The following JAKMIP3 variants were observed in gnomAD, a reference collection of about 807,000 sequenced individuals.
JAKMIP3 encodes Janus kinase and microtubule interacting protein 3.
Under a neutral mutation model 118.5 loss-of-function variants are expected in JAKMIP3, and 58 were observed. The observed-to-expected ratio is 0.49, with a 90% CI of 0.40 to 0.61. The LOEUF is 0.61. JAKMIP3 is among the 20% of genes least tolerant of loss of function. The pLI, the probability that JAKMIP3 is intolerant of heterozygous loss-of-function variation, is 0.00. For missense variants in JAKMIP3, 950 were observed against 1,109.0 expected (o/e 0.86, Z 2.04); for synonymous variants, 486 against 451.2 (o/e 1.08, Z -0.98).
chr10:132,092,332 A>G (rs1400484626), intron 1 of JAKMIP3, among the ~76,000 whole-genome samples: 2 of 152,200 alleles, frequency 1.3e-5, no homozygotes, highest in African/African-American at 4.8e-5. Context: ...AGGTTGGGGA[A>G]GTTCTCCTGG....
intron 1 of JAKMIP3, among the ~76,000 whole-genome samples, chr10:132,097,964 T>TTC (rs1256521580): frequency 1.4e-4 from 4 of 28,950 alleles, no homozygotes; most frequent in South Asian, 2.2e-3. Flanking sequence ...CCTTTCCCTT[T>TTC]CCTTCCTTTT....
chr10:132,097,767 T>A (rs911927979), intron 1 of JAKMIP3, among the ~76,000 whole-genome samples: 2 of 143,666 alleles, frequency 1.4e-5, no homozygotes, highest in Non-Finnish European at 3.1e-5. Context: ...TTTTTTTTTT[T>A]AAGAAAAAGT....
intron 1 of JAKMIP3, among the ~76,000 whole-genome samples, chr10:132,069,879 G>C (rs528546400): frequency 2.0e-5 from 3 of 152,350 alleles, no homozygotes; most frequent in Non-Finnish European, 2.9e-5. Flanking sequence ...CCAGCACCCT[G>C]TGTGTGGGCA....
At chr10:132,163,140 C>T (rs778069769) in intron 19 of JAKMIP3, 69 bp from the exon 20 acceptor site, 54 of 1,444,248 alleles carry the variant, frequency 3.7e-5, no homozygotes, top group African/African-American at 7.0e-5. Flanking sequence ...GCCCGGCCTC[C>T]GTTGCCCTTC....
At chr10:132,091,079 T>C (rs1027364281) in intron 1 of JAKMIP3, among the ~76,000 whole-genome samples, 1 of 152,228 alleles carries the variant, frequency 6.6e-6, no homozygotes, top group Non-Finnish European at 1.5e-5. Flanking sequence ...TTCCATGTAG[T>C]TGAGTGGTTT....
chr10:132,183,695 C>T lies in JAKMIP3; in HGVS notation c.*2442C>T, dbSNP rs1185069647. On this transcript the variant is annotated 3_prime_UTR_variant, in exon 24 of 24. Coordinates refer to ENST00000684848, the MANE Select transcript of JAKMIP3 (RefSeq NM_001323087.2). Reference sequence around the variant, plus strand: ...CCTGAAAGCACACATCTAGTTGGAGCGTCAGTTCCTCTCCTTAGATATCAT... The same window carrying T: ...CCTGAAAGCACACATCTAGTTGGAGTGTCAGTTCCTCTCCTTAGATATCAT... 2.0e-5 allele frequency: 3 copies of T among 152,128 alleles called. No homozygotes were observed. The highest frequency in any genetic ancestry group is 2.9e-5 in the Non-Finnish European group (2 of 68,034). 9.4% of individuals were successfully genotyped at this position (152,128 alleles called of 1,614,324 possible).
chr10:132,048,727 C>G (rs577619822), intron 1 of JAKMIP3, among the ~76,000 whole-genome samples: 1 of 148,746 alleles, frequency 6.7e-6, no homozygotes, highest in Admixed American at 6.7e-5. Context: ...TGCTCCGCCT[C>G]CCGGGTTCAC....
intron 1 of JAKMIP3, among the ~76,000 whole-genome samples, chr10:132,098,566 C>T (rs1446446640): frequency 1.3e-5 from 2 of 152,208 alleles, no homozygotes; most frequent in African/African-American, 4.8e-5. Context: ...TCTTTAGCGT[C>T]CATCGCAGTG....
intron 9 of JAKMIP3, among the ~76,000 whole-genome samples, chr10:132,139,428 G>T (rs1323537884): frequency 5.1e-5 from 5 of 98,590 alleles, no homozygotes; most frequent in African/African-American, 1.8e-4. Context: ...GTGTGTGTGT[G>T]TTTGTGTGTA....
chr10:132,065,017 A>C (rs1257102997), upstream of JAKMIP3, among the ~76,000 whole-genome samples: 3 of 151,772 alleles, frequency 2.0e-5, no homozygotes, highest in East Asian at 5.8e-4. The surrounding 1 kb of genome is among the most constrained non-coding windows in gnomAD (Gnocchi z 5.6). Flanking sequence ...TCCCAGGCTG[A>C]CCCCCAGAAC....
chr10:132,110,057 T>A (rs2046610591), intron 2 of JAKMIP3, among the ~76,000 whole-genome samples: 2 of 152,214 alleles, frequency 1.3e-5, no homozygotes, highest in African/African-American at 4.8e-5. Context: ...TTCCAGCAGA[T>A]CCAGGTGTCT....
chr10:132,060,478 A>G (rs1407613027), upstream of JAKMIP3, among the ~76,000 whole-genome samples: 1 of 152,188 alleles, frequency 6.6e-6, no homozygotes, highest in Non-Finnish European at 1.5e-5. Context: ...TTCGGAATAC[A>G]GATGAAGGCT....
rs1440064007 is a variant in JAKMIP3, at chr10:132,067,769, CTGGGCTTCCGTGTGGACTG to C, written c.-138+1747_-138+1765del. ...TGGACTGTGGGCTTCCGTGTGGACT[CTGGGCTTCCGTGTGGACTG>C]TGGGCTTCCGTGTGGACTGTGGGCT... is the stretch of plus-strand genomic sequence containing the variant. On this transcript the variant is annotated intron_variant, in intron 1 of 23. Coordinates refer to ENST00000684848, the MANE Select transcript of JAKMIP3 (RefSeq NM_001323087.2). Among the ~76,000 whole-genome samples the C allele has an allele frequency of 8.9e-3, 492 of 55,278 alleles. 1 individual carries two copies. The highest frequency in any genetic ancestry group is 0.024 in the African/African-American group (340 of 14,190). 36.3% of individuals were successfully genotyped at this position (55,278 alleles called of 152,430 possible). A position where few individuals can be genotyped will look rare whatever the true frequency, so the allele number is the denominator to read the frequency against.
At chr10:132,125,548 T>A (rs2814188) in intron 3 of JAKMIP3, among the ~76,000 whole-genome samples, 1 of 152,136 alleles carries the variant, frequency 6.6e-6, no homozygotes, top group Non-Finnish European at 1.5e-5. Flanking sequence ...TGTTACCGCT[T>A]TTCTGTATGA....
Position 132,184,612 on chromosome 10 carries a change from CCCTT to C in JAKMIP3, c.*3361_*3364del, listed in dbSNP as rs2061707172. ...TAGTGTGTGTATTCTCCCAGGCACT[CCCTT>C]CATAGTCACCCTCTAACCACGTGAC... On this transcript the variant is annotated 3_prime_UTR_variant, in exon 24 of 24. Coordinates refer to ENST00000684848, the MANE Select transcript of JAKMIP3 (RefSeq NM_001323087.2). The C allele has an allele frequency of 6.6e-6, 1 of 152,174 alleles. No individual in the cohort carries two copies. Among genetic ancestry groups the C allele is most frequent in the African/African-American group, 2.4e-5 (1 of 41,444 alleles). The allele number at this position is 152,174 out of a possible 1,614,324, so 9.4% of individuals were successfully genotyped here. A position where few individuals can be genotyped will look rare whatever the true frequency, so the allele number is the denominator to read the frequency against.
chr10:132,171,648 C>T (rs953288830), intron 23 of JAKMIP3, among the ~76,000 whole-genome samples: 15 of 125,544 alleles, frequency 1.2e-4, no homozygotes, highest in African/African-American at 2.7e-4. Flanking sequence ...TTATTTTTTT[C>T]TTTCTTTTTT....
At chr10:132,167,875 T>TCGCCCCG in intron 22 of JAKMIP3, 78 bp from the exon 23 acceptor site, 3 of 1,036,712 alleles carry the variant, frequency 2.9e-6, no homozygotes, top group Non-Finnish European at 3.9e-6. Flanking sequence ...CCCTCGCCCC[T>TCGCCCCG]CGCCCCTCGG....
At chr10:132,138,500 G>A (rs1020854202) in intron 9 of JAKMIP3, among the ~76,000 whole-genome samples, 21 of 152,308 alleles carry the variant, frequency 1.4e-4, no homozygotes, top group East Asian at 3.9e-4. Flanking sequence ...TGTGGAGAGC[G>A]TGCTGGCGTG....
chr10:132,165,704 C>T (rs952069588), intron 21 of JAKMIP3, among the ~76,000 whole-genome samples: 5 of 152,218 alleles, frequency 3.3e-5, no homozygotes, highest in South Asian at 2.1e-4. Flanking sequence ...TCGCCTTAGA[C>T]GGGCCGTGTG....
Sources: allele counts gnomAD v4.1 joint callset (sites outside exome capture counted in the v4.1 genomes callset), GRCh38; gene constraint gnomAD v4.1.1; non-coding constraint Gnocchi (gnomAD v3.1); transcripts MANE v1.5; gene names NCBI Gene and HGNC (gene_info 2026-07-23, HGNC 2026-07-21).